The following TBL1X variants were observed in gnomAD, a reference collection of about 807,000 sequenced individuals.
The protein encoded by TBL1X is F-box-like/WD repeat-containing protein TBL1X.
TBL1X carries 10 observed loss-of-function variants against 50.7 expected under a neutral mutation model. The observed-to-expected ratio is 0.20, with a 90% CI of 0.12 to 0.33. The LOEUF (loss-of-function observed/expected upper bound fraction) is 0.33, where lower values mean the gene tolerates loss of function less well. Among genes scored for constraint, TBL1X ranks in the 10% least tolerant of loss-of-function variants. The pLI, the probability that TBL1X is intolerant of heterozygous loss-of-function variation, is 1.00. For missense variants in TBL1X, 340 were observed against 504.4 expected (o/e 0.67, Z 3.12); for synonymous variants, 190 against 214.7 (o/e 0.88, Z 1.01).
intron 2 of TBL1X, among the ~76,000 whole-genome samples, chrX:9,560,079 A>G (rs769450402): frequency 5.4e-5 from 6 of 111,734 alleles, no homozygotes; most frequent in African/African-American, 2.0e-4. Context: ...TATGAGACTC[A>G]TGGGTTCTTG....
At chrX:9,668,416 G>T (rs1326955790) in intron 5 of TBL1X, among the ~76,000 whole-genome samples, 1 of 110,611 alleles carries the variant, frequency 9.0e-6, no homozygotes, top group East Asian at 2.8e-4. Flanking sequence ...GAGAGCTGAT[G>T]TGTTAAACAT....
chrX:9,706,826 C>T (rs897921067), intron 13 of TBL1X, among the ~76,000 whole-genome samples: 1 of 111,355 alleles, frequency 9.0e-6, no homozygotes, highest in Non-Finnish European at 1.9e-5. Context: ...CCTTGCCCCG[C>T]GCTGAGCCCT....
intron 1 of TBL1X, among the ~76,000 whole-genome samples, chrX:9,494,156 T>C (rs1302638703): frequency 8.9e-6 from 1 of 111,810 alleles, no homozygotes; most frequent in Non-Finnish European, 1.9e-5. Flanking sequence ...GATCTTCACT[T>C]GGCACCACAG....
chrX:9,466,599 C>A (rs1405327102), intron 1 of TBL1X, among the ~76,000 whole-genome samples: 1 of 112,216 alleles, frequency 8.9e-6, no homozygotes, highest in Non-Finnish European at 1.9e-5. Context: ...TGGATGTTTT[C>A]CTCTCCTGAA....
intron 2 of TBL1X, among the ~76,000 whole-genome samples, chrX:9,611,396 CAG>C (rs1342024757): frequency 7.1e-5 from 8 of 112,335 alleles, no homozygotes; most frequent in African/African-American, 2.6e-4. Context: ...TAGTTCCAAA[CAG>C]AACTTAACGT....
chrX:9,558,872 A>T (rs1030711152), intron 2 of TBL1X, among the ~76,000 whole-genome samples: 2 of 111,705 alleles, frequency 1.8e-5, no homozygotes, highest in Non-Finnish European at 3.8e-5. Context: ...TCCACTCATA[A>T]ATTTGATTTA....
At chrX:9,700,211 C>T in intron 12 of TBL1X, among the ~76,000 whole-genome samples, 1 of 112,394 alleles carries the variant, frequency 8.9e-6, no homozygotes, top group Non-Finnish European at 1.9e-5. Context: ...AGGAAGGATG[C>T]TATGACAGGT....
At chrX:9,465,046 G>C (rs1307343151), upstream of TBL1X, 3 of 108,907 alleles carry the variant, frequency 2.8e-5, no homozygotes, top group Non-Finnish European at 5.8e-5. Flanking sequence ...GGTCCTCCTG[G>C]CTGGGGTCCG....
In TBL1X at chrX:9,715,556, T is replaced by G. The variant is rs1302878379; in HGVS notation, c.1707+553T>G. On this transcript the variant is annotated intron_variant, in intron 17 of 17. Transcript: ENST00000645353. ...GGATCTATCTAAACATAGAAAAGGT[T>G]CAGCAGATATATGGTTATAATCTTA... Among the ~76,000 whole-genome samples, 6 of 111,990 alleles carry G rather than the reference T, an allele frequency of 5.4e-5. No individual in the cohort carries two copies. The Admixed American group carries it at 5.6e-4, about 11-fold the overall frequency.
intron 5 of TBL1X, among the ~76,000 whole-genome samples, chrX:9,671,515 G>A (rs1340810293): frequency 8.8e-6 from 1 of 113,404 alleles, no homozygotes. Flanking sequence ...TGTATCTGTC[G>A]TTGGTGCATT....
chrX:9,636,592 G>A (rs1186854794), intron 2 of TBL1X: 1 of 111,247 alleles, frequency 9.0e-6, no homozygotes, highest in African/African-American at 3.3e-5. Context: ...TTTCTTAGGT[G>A]AATGGGTTCT....
At chrX:9,635,766 G>A (rs776291520) in intron 2 of TBL1X, among the ~76,000 whole-genome samples, 3 of 111,848 alleles carry the variant, frequency 2.7e-5, no homozygotes, top group South Asian at 3.7e-4. Flanking sequence ...GCCTCCCTCC[G>A]CCCATCCTGT....
At chrX:9,477,068 A>T in intron 1 of TBL1X, among the ~76,000 whole-genome samples, 1 of 112,545 alleles carries the variant, frequency 8.9e-6, no homozygotes, top group Admixed American at 9.4e-5. Context: ...ACATGGTTTT[A>T]GAAAAGTTAG....
chrX:9,710,328 G>A (rs55875695), intron 15 of TBL1X, among the ~76,000 whole-genome samples: 26 of 110,503 alleles, frequency 2.4e-4, no homozygotes, highest in Non-Finnish European at 4.4e-4. Context: ...GACGGTGCTC[G>A]AATTAAGGTC....
intron 2 of TBL1X, among the ~76,000 whole-genome samples, chrX:9,580,125 G>A (rs1178596517): frequency 8.9e-6 from 1 of 112,050 alleles, no homozygotes; most frequent in Non-Finnish European, 1.9e-5. Flanking sequence ...GGCACAACTT[G>A]GTTTTATACA....
At chrX:9,708,260 A>G (rs1267246840) in intron 13 of TBL1X, among the ~76,000 whole-genome samples, 1 of 111,318 alleles carries the variant, frequency 9.0e-6, no homozygotes, top group Non-Finnish European at 1.9e-5. Flanking sequence ...TTTATCCTCC[A>G]GGGTTTAGCC....
chrX:9,688,169 A>G lies in TBL1X; in HGVS notation c.510A>G (p.Ala170=). The stretch of plus-strand genomic sequence containing the variant: ...CGGCGGCGGCGGCTGCGGCCACGGC[A>G]GCAGCGACAGCAGCCACCACGACCT... ...SAAAAAAAAT[A]AATAATTTSA... Residue 170 remains alanine (A), a synonymous_variant, in exon 7 of 18, where the codon GCA becomes GCG. Transcript: ENST00000645353. 7 of 1,196,410 alleles carry G rather than the reference A, an allele frequency of 5.9e-6. No homozygotes were observed. The highest frequency in any genetic ancestry group is 7.9e-6 in the Non-Finnish European group (7 of 887,960).
At chrX:9,678,742 G>T (rs752073469) in intron 5 of TBL1X, among the ~76,000 whole-genome samples, 31 of 112,526 alleles carry the variant, frequency 2.8e-4, no homozygotes, top group South Asian at 1.5e-3. Context: ...GCCAACATTA[G>T]CTGAGCATAG....
chrX:9,537,903 T>C (rs1389286160), intron 2 of TBL1X, among the ~76,000 whole-genome samples: 1 of 112,328 alleles, frequency 8.9e-6, no homozygotes, highest in East Asian at 2.8e-4. Context: ...AGGGGTGACC[T>C]GCAGCGAGTT....
Sources: allele counts gnomAD v4.1 joint callset (sites outside exome capture counted in the v4.1 genomes callset), GRCh38; gene constraint gnomAD v4.1.1; transcripts MANE v1.5; gene names NCBI Gene and HGNC (gene_info 2026-07-23, HGNC 2026-07-21).